Variants in LTBP2 observed in about 807,000 individuals in gnomAD.
The protein encoded by LTBP2 is latent transforming growth factor beta binding protein 2.
A neutral mutation model predicts 210.6 loss-of-function variants in LTBP2; 103 were observed. The observed-to-expected ratio is 0.49, with a 90% CI of 0.42 to 0.58. The LOEUF (loss-of-function observed/expected upper bound fraction) is 0.58, where lower values mean the gene tolerates loss of function less well. LTBP2 is among the 20% of genes least tolerant of loss of function. The pLI is 0.00. For missense variants in LTBP2, 2,313 were observed against 2,494.5 expected (o/e 0.93, Z 1.55); for synonymous variants, 1,007 against 1,015.0 (o/e 0.99, Z 0.15).
Position 74,502,759 on chromosome 14 carries a change from C to A in LTBP2, c.5064G>T (p.Glu1688Asp), listed in dbSNP as rs1336987066. The stretch of plus-strand genomic sequence containing the variant: ...GACCGGCTGTGTTGGGGAAGGCAGG[C>A]TCAGGGACGGTGTCCTCGGGGCCCA... The part of the protein sequence containing the change: ...NYLGPEDTVP[E>D]PAFPNTAGHS... The change falls in exon 34 of 36, where the codon GAG becomes GAT. Residue 1688 changes from glutamate (E) to aspartate (D), a missense_variant. Around this residue, in one of 3 missense-constraint regions of LTBP2, gnomAD observed 443 missense variants for 501.4 expected, o/e 0.88. Coordinates refer to ENST00000261978, the MANE Select transcript of LTBP2 (RefSeq NM_000428.3). 34 of 1,614,200 alleles carry A rather than the reference C, an allele frequency of 2.1e-5. No individual in the cohort carries two copies. The highest frequency in any genetic ancestry group is 2.9e-5 in the Non-Finnish European group (34 of 1,180,040).
At chr14:74,520,982 G>A (rs1308297971) in intron 17 of LTBP2, among the ~76,000 whole-genome samples, 1 of 152,238 alleles carries the variant, frequency 6.6e-6, no homozygotes, top group Non-Finnish European at 1.5e-5. Context: ...CACATAGGTG[G>A]TGCCAACGCA....
chr14:74,579,119 A>C (rs1485327392), intron 3 of LTBP2, among the ~76,000 whole-genome samples: 2 of 152,102 alleles, frequency 1.3e-5, no homozygotes, highest in African/African-American at 2.4e-5. Context: ...TGCCTCCCAA[A>C]GTGCTGGGAT....
In LTBP2 at chr14:74,508,081, C is replaced by T. The variant is rs2087014315; in HGVS notation, c.3667G>A (p.Ala1223Thr). Residue 1223 changes from alanine (A) to threonine (T), a missense_variant, in exon 25 of 36, where the codon GCC becomes ACC. Physicochemically the swap from Ala to Thr is moderately conservative, Grantham distance 58 (BLOSUM62 0). This residue lies in a region of LTBP2 where 1,867 missense variants were observed against 1,976.9 expected (regional missense o/e 0.94). Coordinates refer to ENST00000261978, the MANE Select transcript of LTBP2 (RefSeq NM_000428.3). ...GTSCQDVDEC[A>T]TTDPCVGGHC... ...CCTCCCACACACGGGTCTGTGGTGG[C>T]ACACTCGTCCACATCTAGAGTAGAG... 1.2e-6 allele frequency: 2 copies of T among 1,613,818 alleles called. No individual in the cohort carries two copies. Among genetic ancestry groups the T allele is most frequent in the Non-Finnish European group, 8.5e-7 (1 of 1,180,008 alleles).
At chr14:74,583,611 T>C (rs529713875) in intron 3 of LTBP2, among the ~76,000 whole-genome samples, 12 of 152,342 alleles carry the variant, frequency 7.9e-5, no homozygotes, top group African/African-American at 2.4e-4. Flanking sequence ...ACCTTGGCCC[T>C]CCACTGCCTG....
chr14:74,551,730 T>G (rs1357651106), intron 6 of LTBP2, among the ~76,000 whole-genome samples: 1 of 152,160 alleles, frequency 6.6e-6, no homozygotes, highest in African/African-American at 2.4e-5. Context: ...CTAACTGCAG[T>G]CCATCCCCTC....
At position 74,510,168 on chromosome 14, in the gene LTBP2, C is replaced by T. The variant is rs1331474592; in HGVS notation, c.3074G>A (p.Cys1025Tyr). 3.1e-6 allele frequency: 5 copies of T among 1,614,056 alleles called. No homozygotes were observed. Among genetic ancestry groups the T allele is most frequent in the Non-Finnish European group, 3.4e-6 (4 of 1,180,018 alleles). The change falls in exon 20 of 36, where the codon TGC (cysteine) becomes TAC (tyrosine). Residue 1025 changes from cysteine to tyrosine, a missense_variant. Physicochemically the swap from Cys to Tyr is radical, Grantham distance 194. Coordinates refer to ENST00000261978, the MANE Select transcript of LTBP2 (RefSeq NM_000428.3). ...LTPGVCAHGK[C>Y]TNLEGSFRCS... ...TCTGAAGGAGCCTTCTAGGTTGGTG[C>T]ACTTTCCATGGGCACAGACCCCGGG...
At chr14:74,572,322 TGAGA>T (rs33960423) in intron 3 of LTBP2, among the ~76,000 whole-genome samples, 38 of 82,554 alleles carry the variant, frequency 4.6e-4, no homozygotes, top group South Asian at 2.3e-3. Context: ...TGTGTGTGTG[TGAGA>T]GAGAGAGAGA....
chr14:74,505,147 C>T lies in LTBP2; in HGVS notation c.4205G>A (p.Gly1402Glu), dbSNP rs1163082830. The change falls in exon 29 of 36, where the codon GGG becomes GAG. Residue 1402 changes from glycine to glutamate, a missense_variant. Physicochemically the swap from Gly to Glu is moderately conservative, Grantham distance 98. Transcript: ENST00000261978. Reference protein sequence around the residue: ...GGQSMSEAPTGDHAPAPTRMD... With the variant: ...GGQSMSEAPTEDHAPAPTRMD... The stretch of plus-strand genomic sequence containing the variant: ...GCGGGTGGGGGCCGGGGCATGGTCC[C>T]CCGTTGGGGCCTCAGACATACTCTG... 4 of 1,613,482 alleles carry T rather than the reference C, an allele frequency of 2.5e-6. No homozygotes were observed. Among genetic ancestry groups the T allele is most frequent in the East Asian group, 2.2e-5 (1 of 44,876 alleles).
chr14:74,604,164 C>CA lies in LTBP2; in HGVS notation c.495-460dup, dbSNP rs59313477. ...GCTCCAACTCTACATTGCCTCTCACCAAAAAAAAAAAAAAAAAAAACCACA... is the reference window on the plus strand; with the variant it reads ...GCTCCAACTCTACATTGCCTCTCACCAAAAAAAAAAAAAAAAAAAAACCACA... On this transcript the variant is annotated intron_variant, in intron 1 of 35. Coordinates refer to ENST00000261978, the MANE Select transcript of LTBP2 (RefSeq NM_000428.3). 9.5e-3 allele frequency among the ~76,000 whole-genome samples: 690 copies of CA among 72,636 alleles called. 14 individuals carry two copies. Among genetic ancestry groups the CA allele is most frequent in the Middle Eastern group, 0.021 (2 of 96 alleles). 47.7% of individuals were successfully genotyped at this position (72,636 alleles called of 152,430 possible).
At chr14:74,583,746 G>A (rs2088167235) in intron 3 of LTBP2, among the ~76,000 whole-genome samples, 1 of 152,234 alleles carries the variant, frequency 6.6e-6, no homozygotes, top group East Asian at 1.9e-4. Flanking sequence ...CACTGATTGA[G>A]CACAGAAGTG....
intron 9 of LTBP2, among the ~76,000 whole-genome samples, chr14:74,533,922 C>A (rs908105910): frequency 1.3e-5 from 2 of 152,138 alleles, no homozygotes; most frequent in Non-Finnish European, 2.9e-5. Context: ...GTGAGGGGCA[C>A]CTGCCTCCAG....
rs563165153 is a variant in LTBP2, at chr14:74,503,246, A to C, written c.4861T>G (p.Cys1621Gly). 6.2e-7 allele frequency: 1 copy of C among 1,614,038 alleles called. No homozygotes were observed. Among genetic ancestry groups the C allele is most frequent in the South Asian group, 1.1e-5 (1 of 91,082 alleles). Reference sequence around the variant, plus strand: ...GAGCTCCTCGGGGGACACAGAGCACACTGCTGGCTCCAGGCCTCGCCGTCC... The same window carrying C: ...GAGCTCCTCGGGGGACACAGAGCACCCTGCTGGCTCCAGGCCTCGCCGTCC... ...CQDGEAWSQQ[C>G]ALCPPRSSEV... Residue 1621 changes from cysteine (C) to glycine (G), a missense_variant, in exon 33 of 36, where the codon TGT (cysteine) becomes GGT (glycine). Physicochemically the swap from Cys to Gly is radical, Grantham distance 159 (BLOSUM62 -3). Coordinates refer to ENST00000261978, the MANE Select transcript of LTBP2 (RefSeq NM_000428.3).
intron 15 of LTBP2, among the ~76,000 whole-genome samples, chr14:74,524,325 T>C (rs862033): frequency 0.7 from 106,883 of 151,996 alleles, 37,951 homozygotes; most frequent in African/African-American, 0.81. Context: ...GCTGGACCCC[T>C]ACTCCCCACT....
At chr14:74,572,324 AG>A (rs2087992209) in intron 3 of LTBP2, among the ~76,000 whole-genome samples, 1 of 69,610 alleles carries the variant, frequency 1.4e-5, no homozygotes, top group Non-Finnish European at 5.0e-5. Context: ...TGTGTGTGTG[AG>A]AGAGAGAGAG....
intron 17 of LTBP2, among the ~76,000 whole-genome samples, chr14:74,521,595 C>A (rs1407329039): frequency 6.6e-6 from 1 of 152,186 alleles, no homozygotes; most frequent in Admixed American, 6.5e-5. Context: ...CCTTGTCACT[C>A]GGAGTTTGGG....
chr14:74,510,194 A>G lies in LTBP2; in HGVS notation c.3048T>C (p.Thr1016=). The change falls in exon 20 of 36, where the codon ACT becomes ACC. Residue 1016 remains threonine, a synonymous_variant. Coordinates refer to ENST00000261978, the MANE Select transcript of LTBP2 (RefSeq NM_000428.3). ...ACTTTCCATGGGCACAGACCCCGGG[A>G]GTCAGACACTCATTCACATCTGTGG... ...GSCVDVNECL[T]PGVCAHGKCT... 1 of 1,613,882 alleles carries G rather than the reference A, an allele frequency of 6.2e-7. No homozygotes were observed. Among genetic ancestry groups the G allele is most frequent in the Middle Eastern group, 1.6e-4 (1 of 6,062 alleles).
At chr14:74,561,365 A>G (rs1243108972) in intron 3 of LTBP2, among the ~76,000 whole-genome samples, 1 of 152,222 alleles carries the variant, frequency 6.6e-6, no homozygotes, top group African/African-American at 2.4e-5. Flanking sequence ...CATTATGAAC[A>G]TGAAGCCAGA....
chr14:74,607,919 T>G lies in LTBP2; in HGVS notation c.494+3532A>C, dbSNP rs550438886. 1.4e-4 allele frequency among the ~76,000 whole-genome samples: 21 copies of G among 151,828 alleles called. No individual in the cohort carries two copies. The East Asian group carries it at 2.7e-3, about 20-fold the overall frequency. On this transcript the variant is annotated intron_variant, in intron 1 of 35. Transcript: ENST00000261978. ...GTTTGATAAAACTAGACTATGTTTT[T>G]TTTTTTTTTTTTGAGACGGAGTCTC... is the stretch of plus-strand genomic sequence containing the variant.
At chr14:74,549,997 AC>A (rs762753375) in intron 7 of LTBP2, 32 bp from the exon 8 acceptor site, 19 of 1,388,258 alleles carry the variant, frequency 1.4e-5, no homozygotes, top group East Asian at 4.6e-5. Context: ...ACCTGTGACC[AC>A]CCCCCTTCCC....
Sources: gnomAD v4.1 joint callset for allele counts (sites outside exome capture counted in the v4.1 genomes callset) on GRCh38, gnomAD v4.1.1 for gene constraint, gnomAD v4.1.1 regional missense constraint, MANE v1.5 for transcripts, NCBI Gene and HGNC (gene_info 2026-07-23, HGNC 2026-07-21) for gene names.